The following FANCC variants were observed in gnomAD, a reference collection of about 807,000 sequenced individuals.
FANCC encodes the protein FA complementation group C.
A neutral mutation model predicts 71.3 loss-of-function variants in FANCC; 55 were observed. That is an observed-to-expected ratio of 0.77 (90% CI 0.62 to 0.97). FANCC has a LOEUF of 0.97. FANCC is among the 50% of genes least tolerant of loss of function. FANCC has a pLI of 0.00. For synonymous variants in FANCC, 275 were observed against 244.9 expected (o/e 1.12, Z -1.15); for missense variants, 678 against 670.9 (o/e 1.01, Z -0.12).
At chr9:95,114,446 C>T in intron 12 of FANCC, 183 bp downstream of exon 12, 1 of 697,554 alleles carries the variant, frequency 1.4e-6, no homozygotes. Context: ...TCATCCTGAC[C>T]TGCTCCAAGC....
chr9:95,308,450 G>GT (rs11458371), intron 1 of FANCC, among the ~76,000 whole-genome samples: 97,214 of 151,416 alleles, frequency 0.64, 31,507 homozygotes, highest in East Asian at 0.81. Context: ...CACCCGGCTA[G>GT]TTTTTTTTGT....
chr9:95,101,914 A>G, intron 14 of FANCC, 64 bp from the exon 15 acceptor site: 1 of 1,597,698 alleles, frequency 6.3e-7, no homozygotes. Context: ...TCCTTTGTCC[A>G]GGGACGGACC....
chr9:95,130,751 T>C (rs903353255), intron 8 of FANCC, among the ~76,000 whole-genome samples: 1 of 152,234 alleles, frequency 6.6e-6, no homozygotes, highest in Admixed American at 6.5e-5. Context: ...AATATGTGCA[T>C]ATTCACTACA....
chr9:95,301,692 T>C (rs762547152), intron 1 of FANCC, among the ~76,000 whole-genome samples: 7 of 151,950 alleles, frequency 4.6e-5, no homozygotes, highest in Admixed American at 1.3e-4. Context: ...CAGGCGTGAG[T>C]TGCCATGCCC....
chr9:95,285,759 T>C (rs545541088), intron 1 of FANCC, among the ~76,000 whole-genome samples: 187 of 152,330 alleles, frequency 1.2e-3, no homozygotes, highest in Middle Eastern at 3.4e-3. Flanking sequence ...TGGTCCAAGT[T>C]TTCTGAAAGA....
chr9:95,215,354 A>T (rs1588293883), intron 4 of FANCC, among the ~76,000 whole-genome samples: 2 of 152,144 alleles, frequency 1.3e-5, no homozygotes, highest in Non-Finnish European at 2.9e-5. Flanking sequence ...AGAAGGTGGT[A>T]GGAGAGGAGG....
At chr9:95,170,680 T>TGTGTGTGTGTGTGTGTGTGTGTGTG (rs1447780657) in intron 6 of FANCC, among the ~76,000 whole-genome samples, 2 of 35,326 alleles carry the variant, frequency 5.7e-5, no homozygotes, top group Non-Finnish European at 6.1e-5. Context: ...GTGTGTGTGT[T>TGTGTGTGTGTGTGTGTGTGTGTGTG]GGGAGCAGAA....
intron 1 of FANCC, among the ~76,000 whole-genome samples, chr9:95,308,999 T>G (rs1391758797): frequency 2.0e-5 from 3 of 152,130 alleles, no homozygotes; most frequent in Non-Finnish European, 4.4e-5. Context: ...CCGAGTGAGA[T>G]GCATCTCGAA....
rs1060502519 is a variant in FANCC at position 95,240,732 on chromosome 9, T to G, written c.262A>C (p.Lys88Gln). The G allele has an allele frequency of 6.2e-6, 10 of 1,610,826 alleles. No individual in the cohort carries two copies. The highest frequency in any genetic ancestry group is 8.5e-6 in the Non-Finnish European group (10 of 1,177,854). The change falls in exon 4 of 15, where the codon AAA becomes CAA. Residue 88 changes from lysine (K) to glutamine (Q), a missense_variant. Coordinates refer to ENST00000289081, the MANE Select transcript of FANCC (RefSeq NM_000136.3). ...PFILAYDESQ[K>Q]ILIWCLCCLI... is the part of the protein sequence containing the mutation. Reference sequence around the variant, plus strand: ...CAACATAAGCACCATATTAGAATTTTTTGGCTTTCATCTACAAAAAGGAAA... The same window carrying G: ...CAACATAAGCACCATATTAGAATTTGTTGGCTTTCATCTACAAAAAGGAAA...
intron 1 of FANCC, chr9:95,294,401 G>A (rs1489898080): frequency 1.9e-6 from 3 of 1,603,440 alleles, no homozygotes; most frequent in Non-Finnish European, 2.6e-6. Context: ...TCCTATGGGT[G>A]TAGGGGAAAT....
chr9:95,215,598 A>G (rs562422387), intron 4 of FANCC, among the ~76,000 whole-genome samples: 27 of 152,248 alleles, frequency 1.8e-4, no homozygotes, highest in Non-Finnish European at 3.4e-4. Context: ...AAGAGAGTAC[A>G]GTATAACTCT....
At chr9:95,312,535 A>G (rs1564849907) in intron 1 of FANCC, among the ~76,000 whole-genome samples, 1 of 152,174 alleles carries the variant, frequency 6.6e-6, no homozygotes, top group South Asian at 2.1e-4. Context: ...TGTTTTCTGT[A>G]GAACAGGGGT....
intron 4 of FANCC, among the ~76,000 whole-genome samples, chr9:95,220,466 C>T (rs1173254624): frequency 2.0e-5 from 3 of 152,186 alleles, no homozygotes; most frequent in African/African-American, 7.2e-5. Context: ...TTGGAACCAA[C>T]CCAAATGTCC....
At chr9:95,276,896 C>G (rs4647401) in intron 1 of FANCC, among the ~76,000 whole-genome samples, 34,338 of 152,126 alleles carry the variant, frequency 0.23, 5,038 homozygotes, top group Non-Finnish European at 0.33. Flanking sequence ...GATAACTTTG[C>G]TCGCTTTTAC....
At chr9:95,311,497 C>T (rs889081900) in intron 1 of FANCC, among the ~76,000 whole-genome samples, 1 of 152,086 alleles carries the variant, frequency 6.6e-6, no homozygotes, top group African/African-American at 2.4e-5. Flanking sequence ...AATTCCATAC[C>T]TTTGAACTGA....
At chr9:95,141,120 G>A (rs933641299) in intron 7 of FANCC, among the ~76,000 whole-genome samples, 1 of 150,886 alleles carries the variant, frequency 6.6e-6, no homozygotes, top group African/African-American at 2.4e-5. Flanking sequence ...GACCAGCCTG[G>A]GCAATATGGC....
intron 1 of FANCC, among the ~76,000 whole-genome samples, chr9:95,300,786 C>T (rs1010699779): frequency 6.6e-6 from 1 of 152,082 alleles, no homozygotes; most frequent in African/African-American, 2.4e-5. Context: ...GGTGCTCCCA[C>T]GTCAGAATGA....
rs538290546 is a variant in FANCC, at chr9:95,272,461, C to T, written c.-78-23092G>A. The stretch of plus-strand genomic sequence containing the variant: ...AAGTTAGCCGGCTGCAGTTGAGAGG[C>T]CAAGCGGGTGGATCACTTGAGGCCA... On this transcript the variant is annotated intron_variant, in intron 1 of 14. Transcript: ENST00000289081. Among the ~76,000 whole-genome samples the T allele has an allele frequency of 5.3e-5, 8 of 152,166 alleles. No homozygotes were observed. In the East Asian group the frequency reaches 1.4e-3, roughly 26 times the overall value.
chr9:95,155,217 G>C, intron 6 of FANCC, among the ~76,000 whole-genome samples: 1 of 114,118 alleles, frequency 8.8e-6, no homozygotes, highest in Non-Finnish European at 1.8e-5. Context: ...AAAAAGAAAG[G>C]AAAGAGAGAG....
Sources: allele counts gnomAD v4.1 joint callset (sites outside exome capture counted in the v4.1 genomes callset), GRCh38; gene constraint gnomAD v4.1.1; transcripts MANE v1.5; gene names NCBI Gene and HGNC (gene_info 2026-07-23, HGNC 2026-07-21).